PRKN: variants seen among roughly 807,000 people sequenced by gnomAD.
PRKN encodes parkin RBR E3 ubiquitin protein ligase.
A neutral mutation model predicts 59.5 loss-of-function variants in PRKN; 56 were observed. That is an observed-to-expected ratio of 0.94 (90% CI 0.76 to 1.18). The LOEUF (loss-of-function observed/expected upper bound fraction) is 1.18. Among genes scored for constraint, PRKN ranks in the 50% most tolerant of loss-of-function variants. The pLI is 0.00. For synonymous variants in PRKN, 250 were observed against 222.1 expected (o/e 1.13, Z -1.12); for missense variants, 657 against 596.4 (o/e 1.10, Z -1.06).
intron 7 of PRKN, among the ~76,000 whole-genome samples, chr6:161,731,986 A>G (rs1388207322): frequency 2.0e-5 from 3 of 151,932 alleles, no homozygotes; most frequent in Non-Finnish European, 4.4e-5. Flanking sequence ...GTACATGTGC[A>G]GGTTTGTTAC....
intron 7 of PRKN, among the ~76,000 whole-genome samples, chr6:161,619,766 G>T (rs566191403): frequency 9.9e-5 from 15 of 152,102 alleles, no homozygotes; most frequent in African/African-American, 1.4e-4. Flanking sequence ...CGTCTATGCT[G>T]AATGGAGAGA....
At chr6:161,847,944 GC>G (rs1039813465) in intron 6 of PRKN, among the ~76,000 whole-genome samples, 3 of 152,196 alleles carry the variant, frequency 2.0e-5, no homozygotes, top group Non-Finnish European at 2.9e-5. Flanking sequence ...GCACACAGGG[GC>G]CTAAGAGAGG....
intron 3 of PRKN, among the ~76,000 whole-genome samples, chr6:162,233,794 T>A (rs913741334): frequency 2.0e-5 from 3 of 152,166 alleles, no homozygotes; most frequent in Admixed American, 2.0e-4. Flanking sequence ...GACACCCTGA[T>A]AGGACTGGTG....
At chr6:161,824,707 G>A (rs2022992) in intron 6 of PRKN, among the ~76,000 whole-genome samples, 96,141 of 152,104 alleles carry the variant, frequency 0.63, 30,591 homozygotes, top group Middle Eastern at 0.71. Context: ...AATGAACTGC[G>A]TGTAGCAATG....
At chr6:162,668,100 G>A (rs1206016609) in intron 1 of PRKN, among the ~76,000 whole-genome samples, 1 of 152,054 alleles carries the variant, frequency 6.6e-6, no homozygotes, top group Non-Finnish European at 1.5e-5. Flanking sequence ...AATATTCTTT[G>A]AACCATTAGA....
chr6:162,274,291 G>A (rs1357957959), intron 2 of PRKN, among the ~76,000 whole-genome samples: 1 of 151,920 alleles, frequency 6.6e-6, no homozygotes, highest in East Asian at 1.9e-4. Context: ...GGGCTCAGGG[G>A]ATTCCTAACC....
At chr6:162,611,579 G>A (rs922922793) in intron 1 of PRKN, among the ~76,000 whole-genome samples, 39 of 152,122 alleles carry the variant, frequency 2.6e-4, no homozygotes, top group Non-Finnish European at 1.9e-4. Context: ...CCAGTACAAG[G>A]GCATTGTATT....
intron 1 of PRKN, among the ~76,000 whole-genome samples, chr6:162,692,779 T>C (rs1777829793): frequency 6.6e-6 from 1 of 152,246 alleles, no homozygotes; most frequent in Non-Finnish European, 1.5e-5. Flanking sequence ...CTGTATCATT[T>C]TGCTATATTA....
At chr6:161,953,954 T>A (rs1288986138) in intron 6 of PRKN, among the ~76,000 whole-genome samples, 1 of 152,172 alleles carries the variant, frequency 6.6e-6, no homozygotes, top group Non-Finnish European at 1.5e-5. Flanking sequence ...TATGTGACAT[T>A]GAATTACATT....
intron 2 of PRKN, among the ~76,000 whole-genome samples, chr6:162,353,097 G>C (rs925715327): frequency 3.3e-5 from 5 of 152,110 alleles, no homozygotes; most frequent in African/African-American, 1.2e-4. Context: ...GTTTTTAGAA[G>C]TTCTCACTAA....
intron 6 of PRKN, among the ~76,000 whole-genome samples, chr6:161,935,679 T>A (rs754080585): frequency 2.6e-5 from 4 of 151,620 alleles, no homozygotes; most frequent in Non-Finnish European, 4.4e-5. Flanking sequence ...GGTGAAAAAA[T>A]AGTGAAATCA....
At chr6:161,536,420 G>GAA (rs200077606) in intron 9 of PRKN, among the ~76,000 whole-genome samples, 2 of 141,534 alleles carry the variant, frequency 1.4e-5, no homozygotes, top group Admixed American at 1.4e-4. Flanking sequence ...GTCCACACTT[G>GAA]AAAAAAAAAA....
At chr6:162,355,170 G>C (rs1235350827) in intron 2 of PRKN, among the ~76,000 whole-genome samples, 1 of 151,290 alleles carries the variant, frequency 6.6e-6, no homozygotes, top group Non-Finnish European at 1.5e-5. Flanking sequence ...ATGTTATATT[G>C]ATAATAGAGA....
chr6:161,716,145 A>G (rs764508733), intron 7 of PRKN: 2 of 1,326,926 alleles, frequency 1.5e-6, no homozygotes, highest in Non-Finnish European at 2.0e-6. Context: ...GTCAAATAGA[A>G]TACAGAGGAG....
chr6:162,023,077 C>G (rs930354305), intron 5 of PRKN, among the ~76,000 whole-genome samples: 1 of 151,998 alleles, frequency 6.6e-6, no homozygotes, highest in Admixed American at 6.6e-5. Flanking sequence ...GCAGGGCATG[C>G]GGTGGGGGTG....
chr6:162,398,051 A>AG (rs1413803787), intron 2 of PRKN, among the ~76,000 whole-genome samples: 19 of 151,840 alleles, frequency 1.3e-4, no homozygotes, highest in African/African-American at 4.6e-4. Context: ...AAAAAAAAAA[A>AG]AAAGAAAGAT....
chr6:161,947,847 CTTTTTTATGGAT>C (rs1309530750), intron 6 of PRKN, among the ~76,000 whole-genome samples: 1 of 152,116 alleles, frequency 6.6e-6, no homozygotes, highest in Non-Finnish European at 1.5e-5. Context: ...CCTTGTACAC[CTTTTTTATGGAT>C]TAGAGTTTGA....
chr6:162,122,014 G>A (rs1344204465), intron 4 of PRKN, among the ~76,000 whole-genome samples: 1 of 152,162 alleles, frequency 6.6e-6, no homozygotes, highest in African/African-American at 2.4e-5. Flanking sequence ...GGATTAGAAG[G>A]CTGAAAACAA....
chr6:162,543,545 G>A (rs66635391), intron 1 of PRKN, among the ~76,000 whole-genome samples: 14,224 of 151,928 alleles, frequency 0.094, 773 homozygotes, highest in Middle Eastern at 0.18. Context: ...TAAGTTCCTC[G>A]CCTCCCCAGT....
Sources: allele counts gnomAD v4.1 joint callset (sites outside exome capture counted in the v4.1 genomes callset), GRCh38; gene constraint gnomAD v4.1.1; transcripts MANE v1.5; gene names NCBI Gene and HGNC (gene_info 2026-07-23, HGNC 2026-07-21).